The following PCNX2 variants were observed in gnomAD, a reference collection of about 807,000 sequenced individuals.
PCNX2 encodes pecanex 2.
PCNX2 carries 168 observed loss-of-function variants against 223.8 expected under a neutral mutation model. That is an observed-to-expected ratio of 0.75 (90% CI 0.66 to 0.85). PCNX2 has a LOEUF of 0.85. Among genes scored for constraint, PCNX2 ranks in the 40% least tolerant of loss-of-function variants. The pLI, the probability that PCNX2 is intolerant of heterozygous loss-of-function variation, is 0.00. For synonymous variants in PCNX2, 1,006 were observed against 1,052.6 expected, an observed-to-expected ratio of 0.96 and a Z score of 0.86; for missense variants, 2,507 against 2,675.5, an observed-to-expected ratio of 0.94 and a Z score of 1.39.
chr1:233,227,527 C>CA (rs1180601418), intron 9 of PCNX2, 156 bp from the exon 10 acceptor site: 1 of 378,202 alleles, frequency 2.6e-6, no homozygotes, highest in Non-Finnish European at 3.6e-6. Context: ...ATATGTAAAC[C>CA]AACATATTTC....
chr1:233,081,357 AATAAAAAT>A (rs1673352228), intron 23 of PCNX2, among the ~76,000 whole-genome samples: 1 of 152,186 alleles, frequency 6.6e-6, no homozygotes, highest in South Asian at 2.1e-4. Context: ...AAAATAAAAA[AATAAAAAT>A]AAATAAAAAG....
At chr1:233,111,696 A>C (rs1346108574) in intron 21 of PCNX2, among the ~76,000 whole-genome samples, 1 of 151,968 alleles carries the variant, frequency 6.6e-6, no homozygotes, top group Non-Finnish European at 1.5e-5. Context: ...GAGCCACCAC[A>C]CTCAGCCCCA....
rs115894564 is a variant in PCNX2 at position 233,134,807 on chromosome 1, G to C, written c.3837+206C>G. ...ACTAATGGCTAATTCATTTTAATTA[G>C]TGATTTTTAGCAAATAACATGGCAT... On this transcript the variant is annotated intron_variant, in intron 21 of 33. Transcript: ENST00000258229. The C allele has an allele frequency of 4.3e-3, 2,484 of 576,276 alleles. 52 individuals carry two copies. The highest frequency in any genetic ancestry group is 0.041 in the African/African-American group (2,189 of 53,122). 35.7% of individuals were successfully genotyped at this position (576,276 alleles called of 1,614,324 possible).
the PCNX2 span, among the ~76,000 whole-genome samples, chr1:233,301,607 A>G: frequency 1.3e-5 from 2 of 152,194 alleles, no homozygotes; most frequent in African/African-American, 4.8e-5. Flanking sequence ...CATCCCAGGA[A>G]TTCAAGGTTG....
At chr1:233,190,887 A>G (rs1469777094) in intron 15 of PCNX2, among the ~76,000 whole-genome samples, 1 of 152,216 alleles carries the variant, frequency 6.6e-6, no homozygotes, top group Non-Finnish European at 1.5e-5. Context: ...GGCTCTGATC[A>G]GTTGGCACTG....
the PCNX2 span, among the ~76,000 whole-genome samples, chr1:233,304,231 G>A: frequency 1.3e-5 from 2 of 152,220 alleles, no homozygotes; most frequent in Admixed American, 6.5e-5. Flanking sequence ...AAGTGGCACA[G>A]AGGAGCATGA....
rs145066644 is a variant in PCNX2, at chr1:233,128,854, C to T, written c.3837+6159G>A. On this transcript the variant is annotated intron_variant, in intron 21 of 33. Transcript: ENST00000258229. ...AGCAAGATAAAGAGAGGGAAGGGAT[C>T]GAGGAAATGAAGGAGCGAGGAAGAA... 9.3e-3 allele frequency among the ~76,000 whole-genome samples: 1,421 copies of T among 152,296 alleles called. 9 individuals carry two copies. Among genetic ancestry groups the T allele is most frequent in the Middle Eastern group, 0.034 (10 of 294 alleles).
chr1:233,276,893 G>A (rs1416503534), intron 1 of PCNX2, among the ~76,000 whole-genome samples: 1 of 152,236 alleles, frequency 6.6e-6, no homozygotes, highest in Non-Finnish European at 1.5e-5. Context: ...TCTTCAAGTA[G>A]CTTCCAATAT....
At chr1:233,025,678 A>AC in intron 25 of PCNX2, 1 of 450,556 alleles carries the variant, frequency 2.2e-6, no homozygotes. Flanking sequence ...ACACAGAAGA[A>AC]CATCATTTCA....
chr1:233,033,925 T>C (rs1310217215), intron 25 of PCNX2, among the ~76,000 whole-genome samples: 2 of 151,910 alleles, frequency 1.3e-5, no homozygotes, highest in Non-Finnish European at 2.9e-5. Context: ...TATTAGAAGG[T>C]GGGGCTGGCT....
chr1:233,294,690 C>G (rs1465615502), intron 1 of PCNX2, among the ~76,000 whole-genome samples: 1 of 152,204 alleles, frequency 6.6e-6, no homozygotes, highest in African/African-American at 2.4e-5. Context: ...TGTAGTTCTT[C>G]AGCAAGCACT....
intron 23 of PCNX2, 55 bp downstream of exon 23, chr1:233,090,006 C>G: frequency 6.2e-7 from 1 of 1,608,124 alleles, no homozygotes; most frequent in Non-Finnish European, 8.5e-7. Context: ...GGCAGAGGAG[C>G]CTTCTGAAGT....
At chr1:233,282,218 CTT>C (rs1278906499) in intron 1 of PCNX2, among the ~76,000 whole-genome samples, 2 of 152,146 alleles carry the variant, frequency 1.3e-5, no homozygotes. Context: ...GACGCCTCCT[CTT>C]TGCCCTGCCT....
intron 25 of PCNX2, among the ~76,000 whole-genome samples, chr1:233,052,794 T>C (rs1204955273): frequency 6.6e-6 from 1 of 152,166 alleles, no homozygotes; most frequent in Non-Finnish European, 1.5e-5. Context: ...CATATTCACC[T>C]GAATGCCTCC....
rs750823791 is a variant in PCNX2, at chr1:233,067,365, C to CAAAAAA, written c.4077-10081_4077-10076dup. On this transcript the variant is annotated intron_variant, in intron 23 of 33. Transcript: ENST00000258229. ...AATAAATGAAAAAATAGAGCTTCAG[C>CAAAAAA]AAAAAAAAAAAAAAAAAAAAAAAAA... 7.7e-4 allele frequency among the ~76,000 whole-genome samples: 3 copies of CAAAAAA among 3,886 alleles called. 1 individual carries two copies. Among genetic ancestry groups the CAAAAAA allele is most frequent in the Admixed American group, 6.0e-3 (1 of 168 alleles). 2.5% of individuals were successfully genotyped at this position (3,886 alleles called of 152,430 possible). A position where few individuals can be genotyped will look rare whatever the true frequency, so the allele number is the denominator to read the frequency against.
intron 25 of PCNX2, among the ~76,000 whole-genome samples, chr1:233,036,570 C>G (rs1671462512): frequency 6.7e-6 from 1 of 150,288 alleles, no homozygotes. Context: ...GCAGAGGGTG[C>G]AGAGAGCCAA....
At chr1:233,158,459 T>C (rs939712763) in intron 19 of PCNX2, among the ~76,000 whole-genome samples, 1 of 152,068 alleles carries the variant, frequency 6.6e-6, no homozygotes, top group African/African-American at 2.4e-5. Context: ...AAGTTATAGA[T>C]ACAAATAAAG....
intron 32 of PCNX2, among the ~76,000 whole-genome samples, chr1:232,989,247 G>A (rs930254223): frequency 3.9e-5 from 6 of 152,196 alleles, no homozygotes; most frequent in Non-Finnish European, 7.3e-5. Context: ...GAGGTCAGGA[G>A]ATCGAGACCA....
chr1:233,062,524 G>A (rs1672444332), intron 23 of PCNX2, among the ~76,000 whole-genome samples: 1 of 151,982 alleles, frequency 6.6e-6, no homozygotes, highest in Non-Finnish European at 1.5e-5. Context: ...TTAGTCTTTG[G>A]CATTATAAAA....
Sources: gnomAD v4.1 joint callset for allele counts (sites outside exome capture counted in the v4.1 genomes callset) on GRCh38, gnomAD v4.1.1 for gene constraint, MANE v1.5 for transcripts, NCBI Gene and HGNC (gene_info 2026-07-23, HGNC 2026-07-21) for gene names.